The following SORBS2 variants were observed in gnomAD, a reference collection of about 807,000 sequenced individuals.
The protein encoded by SORBS2 is sorbin and SH3 domain-containing protein 2.
SORBS2 carries 46 observed loss-of-function variants against 97.7 expected under a neutral mutation model. The ratio of observed to expected loss-of-function variants is 0.47; its 90% CI spans 0.37 to 0.60. The LOEUF (loss-of-function observed/expected upper bound fraction) is 0.60, where lower values mean the gene tolerates loss of function less well. Among genes scored for constraint, SORBS2 ranks in the 20% least tolerant of loss-of-function variants. SORBS2 has a pLI of 0.00. For missense variants in SORBS2, 1,316 were observed against 1,282.3 expected, an observed-to-expected ratio of 1.03 and a Z score of -0.40; for synonymous variants, 476 against 473.4, an observed-to-expected ratio of 1.01 and a Z score of -0.07.
chr4:185,869,746 G>A (rs971060779), intron 1 of SORBS2, among the ~76,000 whole-genome samples: 28 of 152,328 alleles, frequency 1.8e-4, no homozygotes, highest in African/African-American at 5.8e-4. Flanking sequence ...TCACCAGGCA[G>A]GGAGCAAAGT....
chr4:185,811,441 A>G (rs1342137914), intron 1 of SORBS2, among the ~76,000 whole-genome samples: 1 of 152,114 alleles, frequency 6.6e-6, no homozygotes, highest in Non-Finnish European at 1.5e-5. Context: ...CCCAAAGCAT[A>G]TCGGTCATGT....
chr4:185,733,790 G>C (rs565127362), intron 2 of SORBS2, among the ~76,000 whole-genome samples: 1 of 152,284 alleles, frequency 6.6e-6, no homozygotes, highest in East Asian at 1.9e-4. Context: ...AGAAAAAAGC[G>C]AGTTCTCTTG....
rs199562893 is a variant in SORBS2 at position 185,851,506 on chromosome 4, C to CAT, written c.-337-76142_-337-76141dup. Among the ~76,000 whole-genome samples, 81 of 151,890 alleles carry CAT rather than the reference C, an allele frequency of 5.3e-4. 1 individual carries two copies. Among genetic ancestry groups the CAT allele is most frequent in the African/African-American group, 1.4e-3 (56 of 41,434 alleles). On this transcript the variant is annotated intron_variant, in intron 1 of 20. Transcript: ENST00000284776. Reference sequence around the variant, plus strand: ...TGGGATTTTTTTAAAATCATATTCACATATATATATATTACATCGTGTAAA... The same window carrying CAT: ...TGGGATTTTTTTAAAATCATATTCACATATATATATATATTACATCGTGTAAA...
In SORBS2 at chr4:185,654,247, G is replaced by T. The variant is rs2097360121; in HGVS notation, c.25-1519C>A. Among the ~76,000 whole-genome samples the T allele has an allele frequency of 2.0e-5, 3 of 152,260 alleles. No homozygotes were observed. In the South Asian group the frequency reaches 6.2e-4, roughly 32 times the overall value. On this transcript the variant is annotated intron_variant, in intron 1 of 14. Coordinates refer to ENST00000418609, the Ensembl canonical transcript of SORBS2. ...AAGGGATTGCAGTGGTGAAGCAAAG[G>T]TCTATTATTTGCTGGTTCAAAGTTG...
intron 4 of SORBS2, among the ~76,000 whole-genome samples, chr4:185,666,409 A>G (rs2097599497): frequency 6.6e-6 from 1 of 152,192 alleles, no homozygotes; most frequent in Non-Finnish European, 1.5e-5. Context: ...TGTGTTTTGA[A>G]ACAAGGCCGG....
chr4:185,606,858 G>A lies in SORBS2; in HGVS notation c.2796+4922C>T, dbSNP rs1168431047. ...GAAGGGGTACAGGCAAGGAACCCAC[G>A]CTGGTGCACGCAGAGGCCACAAAAT... On this transcript the variant is annotated intron_variant, in intron 12 of 14. Transcript: ENST00000418609. The surrounding 1 kb of genome is among the most constrained non-coding windows in gnomAD (Gnocchi z 4.3). 4.1e-6 allele frequency: 4 copies of A among 985,232 alleles called. No individual in the cohort carries two copies. The highest frequency in any genetic ancestry group is 4.8e-6 in the Non-Finnish European group (4 of 829,920). 61.0% of individuals were successfully genotyped at this position (985,232 alleles called of 1,614,324 possible).
chr4:185,940,628 A>G (rs923136402), intron 1 of SORBS2, among the ~76,000 whole-genome samples: 2 of 152,182 alleles, frequency 1.3e-5, no homozygotes, highest in African/African-American at 4.8e-5. Context: ...ACTGCCCTTC[A>G]GACTCTGACC....
chr4:185,688,625 ATCTG>A (rs2098027380), intron 2 of SORBS2, among the ~76,000 whole-genome samples: 1 of 152,290 alleles, frequency 6.6e-6, no homozygotes, highest in East Asian at 1.9e-4. Context: ...ATCTATCATC[ATCTG>A]TCTATCTGTA....
intron 1 of SORBS2, among the ~76,000 whole-genome samples, chr4:185,862,135 A>ATGTG (rs143706006): frequency 2.0e-4 from 31 of 151,528 alleles, no homozygotes; most frequent in African/African-American, 6.5e-4. Flanking sequence ...GTGTATGTAT[A>ATGTG]TGTGTGTGTG....
chr4:185,596,100 T>C (rs1339763968), intron 12 of SORBS2, among the ~76,000 whole-genome samples: 1 of 152,134 alleles, frequency 6.6e-6, no homozygotes, highest in East Asian at 1.9e-4. Context: ...TAAGAGAAAA[T>C]GTTGTGTAAA....
At chr4:185,758,329 G>A (rs989556553) in intron 2 of SORBS2, among the ~76,000 whole-genome samples, 6 of 152,100 alleles carry the variant, frequency 3.9e-5, no homozygotes, top group Non-Finnish European at 8.8e-5. Flanking sequence ...TTTCTTGATT[G>A]CACCTCCCCC....
intron 1 of SORBS2, among the ~76,000 whole-genome samples, chr4:185,893,548 GTTT>G (rs2099243515): frequency 6.6e-6 from 1 of 152,156 alleles, no homozygotes; most frequent in Non-Finnish European, 1.5e-5. Flanking sequence ...GCTTCTGAAG[GTTT>G]GATAATTTGA....
intron 4 of SORBS2, among the ~76,000 whole-genome samples, chr4:185,675,759 G>A (rs2097781643): frequency 6.6e-6 from 1 of 152,048 alleles, no homozygotes; most frequent in South Asian, 2.1e-4. Flanking sequence ...TGATTTCATA[G>A]GTGCTTTCAG....
At chr4:185,611,745 C>T (rs189310907) in intron 12 of SORBS2, 35 bp downstream of exon 24, 118 of 1,541,236 alleles carry the variant, frequency 7.7e-5, no homozygotes, top group Admixed American at 2.4e-4. Context: ...TTGGAGCTTC[C>T]AATATTACAT....
rs1185030821 is a variant in SORBS2 at position 185,869,214 on chromosome 4, C to A, written c.-338+86982G>T. ...AAATATTTTCTTAATCTTTCTGACT[C>A]ACTGGAGAACTGCATTGTGACACTT... On this transcript the variant is annotated intron_variant, in intron 1 of 20. Coordinates refer to the SORBS2 transcript ENST00000284776. Among the ~76,000 whole-genome samples the A allele has an allele frequency of 2.0e-5, 3 of 152,258 alleles. No homozygotes were observed. In the East Asian group the frequency reaches 5.8e-4, roughly 29 times the overall value.
At chr4:185,731,794 G>C (rs1322104103) in intron 2 of SORBS2, among the ~76,000 whole-genome samples, 4 of 56,176 alleles carry the variant, frequency 7.1e-5, no homozygotes, top group South Asian at 7.0e-4. Flanking sequence ...CTTCCTCCCT[G>C]CCTATCTCTT....
chr4:185,796,328 C>A (rs2099104386), intron 1 of SORBS2, among the ~76,000 whole-genome samples: 1 of 152,248 alleles, frequency 6.6e-6, no homozygotes, highest in Non-Finnish European at 1.5e-5. Context: ...AGTTGCCCTG[C>A]CATCTGGCTC....
chr4:185,837,148 A>G (rs982228650), intron 1 of SORBS2, among the ~76,000 whole-genome samples: 1 of 152,164 alleles, frequency 6.6e-6, no homozygotes, highest in Non-Finnish European at 1.5e-5. Context: ...AATTACATAA[A>G]TCTAAGTAAA....
intron 9 of SORBS2, among the ~76,000 whole-genome samples, chr4:185,617,418 A>C (rs2096645919): frequency 6.6e-6 from 1 of 152,202 alleles, no homozygotes; most frequent in African/African-American, 2.4e-5. Flanking sequence ...TCTCAGCAGC[A>C]TTACCAAATT....
Sources: allele counts gnomAD v4.1 joint callset (sites outside exome capture counted in the v4.1 genomes callset), GRCh38; gene constraint gnomAD v4.1.1; non-coding constraint Gnocchi (gnomAD v3.1); transcripts MANE v1.5; gene names NCBI Gene and HGNC (gene_info 2026-07-23, HGNC 2026-07-21).